Variants in EFCAB11 observed in about 807,000 individuals in gnomAD.
EFCAB11 encodes EF-hand calcium-binding domain-containing protein 11.
In EFCAB11, 14 loss-of-function variants were observed where a neutral mutation model predicts 23.0. The ratio of observed to expected loss-of-function variants is 0.61; its 90% CI spans 0.40 to 0.95. The LOEUF (loss-of-function observed/expected upper bound fraction) is 0.95, where lower values mean the gene tolerates loss of function less well. EFCAB11 is among the 40% of genes least tolerant of loss of function. The pLI, the probability that EFCAB11 is intolerant of heterozygous loss-of-function variation, is 0.00. For missense variants in EFCAB11, 198 were observed against 195.8 expected (o/e 1.01, Z -0.07); for synonymous variants, 65 against 66.6 (o/e 0.98, Z 0.11).
chr14:89,850,703 C>A (rs1887577647), intron 5 of EFCAB11, among the ~76,000 whole-genome samples: 1 of 152,236 alleles, frequency 6.6e-6, no homozygotes, highest in Middle Eastern at 3.4e-3. Flanking sequence ...AATCAATAAC[C>A]AATCTTGTCA....
Position 89,885,808 on chromosome 14 carries a change from AAAAG to A in EFCAB11, c.410+45729_410+45732del, listed in dbSNP as rs370316507. ...GAAAGAAAGAAAGAAGACAGCAACT[AAAAG>A]AAAGAAAGAAGGAAAGAGAAAGAAA... On this transcript the variant is annotated intron_variant, in intron 5 of 5. Transcript: ENST00000316738. 3.8e-3 allele frequency among the ~76,000 whole-genome samples: 581 copies of A among 151,872 alleles called. 3 individuals carry two copies. Among genetic ancestry groups the A allele is most frequent in the African/African-American group, 0.012 (515 of 41,492 alleles).
At chr14:89,930,249 C>G (rs1890343854) in intron 5 of EFCAB11, among the ~76,000 whole-genome samples, 1 of 152,198 alleles carries the variant, frequency 6.6e-6, no homozygotes, top group Non-Finnish European at 1.5e-5. Context: ...ATGATAATGA[C>G]TGCAAATCTT....
chr14:89,939,777 C>T (rs1438996896), intron 3 of EFCAB11, among the ~76,000 whole-genome samples: 1 of 152,152 alleles, frequency 6.6e-6, no homozygotes, highest in East Asian at 1.9e-4. Context: ...CTTGCTCTAT[C>T]GCCCAGGCTG....
chr14:89,949,558 G>A (rs1332285697), intron 3 of EFCAB11, among the ~76,000 whole-genome samples: 2 of 151,650 alleles, frequency 1.3e-5, no homozygotes, highest in East Asian at 3.9e-4. Flanking sequence ...TAGAGACGGT[G>A]TTTCATCATC....
chr14:89,865,455 GGA>G (rs139270134), intron 5 of EFCAB11, among the ~76,000 whole-genome samples: 2 of 151,288 alleles, frequency 1.3e-5, no homozygotes, highest in Non-Finnish European at 3.0e-5. Context: ...TGCTATGCGG[GGA>G]GAGAGAGAGA....
intron 5 of EFCAB11, among the ~76,000 whole-genome samples, chr14:89,917,847 T>C (rs1889899832): frequency 6.6e-6 from 1 of 152,174 alleles, no homozygotes; most frequent in African/African-American, 2.4e-5. Context: ...AGAAATGCCG[T>C]TGATGTGGAG....
At chr14:89,863,957 A>T (rs776226262) in intron 5 of EFCAB11, among the ~76,000 whole-genome samples, 2 of 152,246 alleles carry the variant, frequency 1.3e-5, no homozygotes, top group Non-Finnish European at 2.9e-5. Flanking sequence ...ACAAAAGATC[A>T]TCAAACTTTT....
At chr14:89,835,121 G>A (rs936637192) in intron 5 of EFCAB11, among the ~76,000 whole-genome samples, 9 of 152,184 alleles carry the variant, frequency 5.9e-5, no homozygotes, top group African/African-American at 2.2e-4. Context: ...GAGTGACAGG[G>A]AAAATGGGGC....
intron 5 of EFCAB11, among the ~76,000 whole-genome samples, chr14:89,914,826 G>A (rs879558993): frequency 1.3e-5 from 2 of 151,908 alleles, no homozygotes; most frequent in African/African-American, 2.4e-5. Context: ...TATGAAATAT[G>A]TAGGGAAATT....
At chr14:89,842,597 A>G (rs898695676) in intron 5 of EFCAB11, among the ~76,000 whole-genome samples, 10 of 70,812 alleles carry the variant, frequency 1.4e-4, no homozygotes, top group East Asian at 6.2e-4. Context: ...AATATGATAT[A>G]ATATGATATG....
rs1017913966 is a variant in EFCAB11, at chr14:89,935,771, G to A, written c.218-3144C>T. ...CGCCTGTAATCCCAGCAATTTGGGAGGCTGAGGCAGGCAGATCACCTGAGG... is the reference window on the plus strand; with the variant it reads ...CGCCTGTAATCCCAGCAATTTGGGAAGCTGAGGCAGGCAGATCACCTGAGG... On this transcript the variant is annotated intron_variant, in intron 3 of 5. Coordinates refer to ENST00000316738, the MANE Select transcript of EFCAB11 (RefSeq NM_145231.4). 2.6e-5 allele frequency among the ~76,000 whole-genome samples: 4 copies of A among 152,328 alleles called. No individual in the cohort carries two copies. The South Asian group carries it at 8.3e-4, about 32-fold the overall frequency.
chr14:89,882,783 A>G (rs1324427054), intron 5 of EFCAB11, among the ~76,000 whole-genome samples: 1 of 152,150 alleles, frequency 6.6e-6, no homozygotes, highest in African/African-American at 2.4e-5. Flanking sequence ...AGCTACCGCT[A>G]TGGTTTGGAT....
intron 5 of EFCAB11, among the ~76,000 whole-genome samples, chr14:89,863,553 T>C (rs1201437565): frequency 6.6e-6 from 1 of 152,222 alleles, no homozygotes; most frequent in East Asian, 1.9e-4. Context: ...AGGTAGTGAA[T>C]GAACTGCTAC....
intron 5 of EFCAB11, among the ~76,000 whole-genome samples, chr14:89,886,716 T>G (rs189941767): frequency 1.3e-5 from 2 of 152,248 alleles, no homozygotes; most frequent in East Asian, 3.9e-4. Flanking sequence ...TTTCTATGTT[T>G]AAAATATTTC....
At chr14:89,841,612 G>A (rs1053152595) in intron 5 of EFCAB11, among the ~76,000 whole-genome samples, 13 of 152,022 alleles carry the variant, frequency 8.6e-5, no homozygotes, top group Non-Finnish European at 8.8e-5. Flanking sequence ...GGCAGTACTT[G>A]TCACTGCTGA....
chr14:89,807,693 T>TTTTA (rs1886014483), intron 5 of EFCAB11, among the ~76,000 whole-genome samples: 1 of 152,212 alleles, frequency 6.6e-6, no homozygotes, highest in Admixed American at 6.5e-5. Context: ...TAATGCTTAT[T>TTTTA]TTAATAGTAT....
chr14:89,856,777 G>T (rs1887768751), intron 5 of EFCAB11, among the ~76,000 whole-genome samples: 1 of 151,996 alleles, frequency 6.6e-6, no homozygotes, highest in Admixed American at 6.6e-5. Context: ...TTTTAAATTG[G>T]GCTATCTGTT....
chr14:89,875,084 A>G (rs1382282960), intron 5 of EFCAB11, among the ~76,000 whole-genome samples: 3 of 152,202 alleles, frequency 2.0e-5, no homozygotes, highest in Non-Finnish European at 4.4e-5. Context: ...GTTATTGCTC[A>G]ATCTCAGGTG....
chr14:89,875,188 G>C (rs185127752), intron 5 of EFCAB11, among the ~76,000 whole-genome samples: 1 of 152,146 alleles, frequency 6.6e-6, no homozygotes, highest in South Asian at 2.1e-4. Context: ...GTTCGTTATC[G>C]GAATTAAACA....
Sources: gnomAD v4.1 joint callset for allele counts (sites outside exome capture counted in the v4.1 genomes callset) on GRCh38, gnomAD v4.1.1 for gene constraint, MANE v1.5 for transcripts, NCBI Gene and HGNC (gene_info 2026-07-23, HGNC 2026-07-21) for gene names.